Variants in PLD1 observed in about 807,000 individuals in gnomAD.
PLD1 encodes the protein choline phosphatase 1.
In PLD1, 112 loss-of-function variants were observed where a neutral mutation model predicts 137.1. The ratio of observed to expected loss-of-function variants is 0.82; its 90% CI spans 0.70 to 0.96. PLD1 has a LOEUF of 0.96. PLD1 is among the 40% of genes least tolerant of loss of function. PLD1 has a pLI of 0.00. For missense variants in PLD1, 1,321 were observed against 1,342.0 expected (o/e 0.98, Z 0.24); for synonymous variants, 431 against 454.7 (o/e 0.95, Z 0.66).
intron 23 of PLD1, among the ~76,000 whole-genome samples, chr3:171,635,586 C>G (rs1735034184): frequency 6.6e-6 from 1 of 152,046 alleles, no homozygotes; most frequent in South Asian, 2.1e-4. Flanking sequence ...ACCTGTTTAG[C>G]TGCTTTGCCC....
At chr3:171,651,306 T>C (rs189534523) in intron 21 of PLD1, among the ~76,000 whole-genome samples, 88 of 145,938 alleles carry the variant, frequency 6.0e-4, no homozygotes, top group African/African-American at 2.3e-3. Context: ...ATAGGAAGAA[T>C]TGTGGTTAGG....
intron 23 of PLD1, among the ~76,000 whole-genome samples, chr3:171,629,567 C>A (rs1734471423): frequency 6.6e-6 from 1 of 152,096 alleles, no homozygotes; most frequent in African/African-American, 2.4e-5. Context: ...CAATCCTAAG[C>A]CAAAAGAACA....
intron 1 of PLD1, among the ~76,000 whole-genome samples, chr3:171,784,112 T>C (rs1418085375): frequency 6.6e-6 from 1 of 152,224 alleles, no homozygotes; most frequent in Non-Finnish European, 1.5e-5. Context: ...TTTCATAGAA[T>C]GGGAAATATA....
intron 9 of PLD1, among the ~76,000 whole-genome samples, chr3:171,713,479 GA>G (rs1486777948): frequency 6.6e-6 from 1 of 152,096 alleles, no homozygotes; most frequent in South Asian, 2.1e-4. Context: ...CTGTCTCAGA[GA>G]AAAAGAAGAT....
chr3:171,673,199 C>T (rs1429897628), intron 19 of PLD1, among the ~76,000 whole-genome samples: 1 of 152,112 alleles, frequency 6.6e-6, no homozygotes, highest in Non-Finnish European at 1.5e-5. Flanking sequence ...TAAATCATAG[C>T]TATCTCTATG....
At chr3:171,659,368 C>A in intron 20 of PLD1, 67 bp from the exon 21 acceptor site, 1 of 978,944 alleles carries the variant, frequency 1.0e-6, no homozygotes, top group Middle Eastern at 2.1e-4. Context: ...AAGAACAATA[C>A]TGTAATATAT....
rs140939272 is a variant in PLD1, at chr3:171,672,765, G to A, written c.2229+1735C>T. Reference sequence around the variant, plus strand: ...CTCCCAAAGTGCTGGGATTCCAAGCGTGAGCCACCACACCCACTCTAGTGT... The same window carrying A: ...CTCCCAAAGTGCTGGGATTCCAAGCATGAGCCACCACACCCACTCTAGTGT... On this transcript the variant is annotated intron_variant, in intron 19 of 26. Transcript: ENST00000351298. Among the ~76,000 whole-genome samples, 90 of 152,250 alleles carry A rather than the reference G, an allele frequency of 5.9e-4. No homozygotes were observed. In the East Asian group the frequency reaches 0.015, roughly 25 times the overall value.
intron 1 of PLD1, among the ~76,000 whole-genome samples, chr3:171,801,917 C>T (rs1420832223): frequency 6.6e-6 from 1 of 152,164 alleles, no homozygotes; most frequent in Non-Finnish European, 1.5e-5. Flanking sequence ...ATGACAGATG[C>T]AACTGAAACA....
intron 23 of PLD1, among the ~76,000 whole-genome samples, chr3:171,630,375 A>C (rs1734551291): frequency 7.0e-6 from 1 of 142,190 alleles, no homozygotes; most frequent in African/African-American, 2.9e-5. Context: ...CAGGTGCTGG[A>C]GAGGATGTGG....
At chr3:171,620,335 G>T (rs146077689) in intron 24 of PLD1, 51 bp downstream of exon 24, 1 of 1,381,970 alleles carries the variant, frequency 7.2e-7, no homozygotes, top group South Asian at 1.5e-5. Context: ...TTTTTGCATG[G>T]GGTAAGTCAA....
At chr3:171,645,859 G>C (rs1736158102) in intron 21 of PLD1, among the ~76,000 whole-genome samples, 1 of 143,672 alleles carries the variant, frequency 7.0e-6, no homozygotes, top group African/African-American at 2.7e-5. Context: ...ACTCCAGCCT[G>C]GGTGACAGAG....
intron 1 of PLD1, among the ~76,000 whole-genome samples, chr3:171,781,038 G>A (rs550771563): frequency 1.3e-5 from 2 of 152,188 alleles, no homozygotes; most frequent in African/African-American, 4.8e-5. Context: ...TAAAGTTGGA[G>A]GACTTAACAC....
chr3:171,779,146 G>A (rs1401665952), intron 1 of PLD1, among the ~76,000 whole-genome samples: 1 of 152,216 alleles, frequency 6.6e-6, no homozygotes, highest in Admixed American at 6.5e-5. Flanking sequence ...CCGAGATCGT[G>A]CTGAGATCGT....
chr3:171,748,020 T>C (rs1720372438), intron 1 of PLD1, among the ~76,000 whole-genome samples: 1 of 152,214 alleles, frequency 6.6e-6, no homozygotes, highest in Admixed American at 6.5e-5. Flanking sequence ...AAAACTCCTC[T>C]CTCAACATTA....
At chr3:171,665,412 T>A (rs1036682080) in intron 19 of PLD1, among the ~76,000 whole-genome samples, 1 of 152,072 alleles carries the variant, frequency 6.6e-6, no homozygotes, top group Non-Finnish European at 1.5e-5. Context: ...AAGAAGACCA[T>A]TTTATGGCCA....
At chr3:171,800,132 G>A (rs1327821450) in intron 1 of PLD1, among the ~76,000 whole-genome samples, 1 of 152,180 alleles carries the variant, frequency 6.6e-6, no homozygotes, top group Admixed American at 6.5e-5. Context: ...AGGAAACTGT[G>A]TACTCCTTTG....
At position 171,677,710 on chromosome 3, in the gene PLD1, G is replaced by T; in HGVS notation, c.1868-16C>A. 1 of 1,612,626 alleles carries T rather than the reference G, an allele frequency of 6.2e-7. No homozygotes were observed. Among genetic ancestry groups the T allele is most frequent in the Non-Finnish European group, 8.5e-7 (1 of 1,179,298 alleles). ...GACCCGGTATCTGTGAATGCAGCAAGACCCCCTCAGAGACTGTGGTTCAGG... is the reference window on the plus strand; with the variant it reads ...GACCCGGTATCTGTGAATGCAGCAATACCCCCTCAGAGACTGTGGTTCAGG... On this transcript the variant is annotated splice_polypyrimidine_tract_variant and intron_variant, in intron 16 of 26. Coordinates refer to ENST00000351298, the MANE Select transcript of PLD1 (RefSeq NM_002662.5).
At chr3:171,684,194 C>A (rs996270401) in intron 16 of PLD1, among the ~76,000 whole-genome samples, 8 of 152,158 alleles carry the variant, frequency 5.3e-5, no homozygotes, top group African/African-American at 1.9e-4. Context: ...GGACTCAGCA[C>A]CTCACTCACA....
chr3:171,786,446 T>A (rs1723015149), intron 1 of PLD1, among the ~76,000 whole-genome samples: 1 of 152,170 alleles, frequency 6.6e-6, no homozygotes, highest in Admixed American at 6.5e-5. Context: ...CATTATAGAA[T>A]CCTGTCTGCC....
Sources: allele counts gnomAD v4.1 joint callset (sites outside exome capture counted in the v4.1 genomes callset), GRCh38; gene constraint gnomAD v4.1.1; transcripts MANE v1.5; gene names NCBI Gene and HGNC (gene_info 2026-07-23, HGNC 2026-07-21).